GRID2: variants seen among roughly 807,000 people sequenced by gnomAD.
GRID2 encodes glutamate ionotropic receptor delta type subunit 2.
In GRID2, 33 loss-of-function variants were observed where a neutral mutation model predicts 114.8. The ratio of observed to expected loss-of-function variants is 0.29; its 90% CI spans 0.22 to 0.38. The LOEUF (loss-of-function observed/expected upper bound fraction) is 0.38, where lower values mean the gene tolerates loss of function less well. Among genes scored for constraint, GRID2 ranks in the 10% least tolerant of loss-of-function variants. The pLI, the probability that GRID2 is intolerant of heterozygous loss-of-function variation, is 1.00. For synonymous variants in GRID2, 505 were observed against 449.9 expected (o/e 1.12, Z -1.55); for missense variants, 1,184 against 1,257.7 (o/e 0.94, Z 0.89).
rs559432797 is a variant in GRID2, at chr4:93,664,821, T to C, written c.2360+38386T>C. ...TTTCTTATCTGTATTATGAGGATGATAGAACCTAATGTGTAAGTTAGAGTT... is the reference window on the plus strand; with the variant it reads ...TTTCTTATCTGTATTATGAGGATGACAGAACCTAATGTGTAAGTTAGAGTT... On this transcript the variant is annotated intron_variant, in intron 14 of 15. Transcript: ENST00000282020. Among the ~76,000 whole-genome samples, 4 of 152,276 alleles carry C rather than the reference T, an allele frequency of 2.6e-5. No homozygotes were observed. In the South Asian group the frequency reaches 8.3e-4, roughly 32 times the overall value.
At chr4:93,373,950 CA>C (rs1763155104) in intron 8 of GRID2, among the ~76,000 whole-genome samples, 1 of 152,190 alleles carries the variant, frequency 6.6e-6, no homozygotes, top group African/African-American at 2.4e-5. Flanking sequence ...ATCTACACTA[CA>C]GAAGGCTTAT....
intron 2 of GRID2, among the ~76,000 whole-genome samples, chr4:92,607,611 C>G (rs1481613784): frequency 6.6e-6 from 1 of 151,836 alleles, no homozygotes; most frequent in Non-Finnish European, 1.5e-5. Context: ...CATCTCATAT[C>G]TTTTTGTTTC....
At chr4:93,410,805 A>C (rs1348336986) in intron 9 of GRID2, among the ~76,000 whole-genome samples, 1 of 151,906 alleles carries the variant, frequency 6.6e-6, no homozygotes, top group Non-Finnish European at 1.5e-5. Context: ...CTGATCTCGA[A>C]CTCCTGACCT....
chr4:92,784,194 T>A (rs2149360312), intron 2 of GRID2, among the ~76,000 whole-genome samples: 1 of 152,170 alleles, frequency 6.6e-6, no homozygotes, highest in East Asian at 1.9e-4. Flanking sequence ...TTATCATCTT[T>A]ACTTCTATAT....
rs553418191 is a variant in GRID2 at position 93,747,626 on chromosome 4, A to G, written c.2361-21584A>G. 3.9e-5 allele frequency among the ~76,000 whole-genome samples: 6 copies of G among 152,278 alleles called. No individual in the cohort carries two copies. The South Asian group carries it at 1.2e-3, about 32-fold the overall frequency. On this transcript the variant is annotated intron_variant, in intron 14 of 15. Coordinates refer to ENST00000282020, the MANE Select transcript of GRID2 (RefSeq NM_001510.4). Reference sequence around the variant, plus strand: ...AGTTTCACTCTTTTCATAAAGTCTAATCATATATACACAAAAACTGTTGTA... The same window carrying G: ...AGTTTCACTCTTTTCATAAAGTCTAGTCATATATACACAAAAACTGTTGTA...
chr4:93,295,591 C>T (rs926110058), intron 8 of GRID2, among the ~76,000 whole-genome samples: 1 of 151,798 alleles, frequency 6.6e-6, no homozygotes, highest in Admixed American at 6.6e-5. Flanking sequence ...CCTCTTCCTC[C>T]TCCTCCTCCT....
intron 1 of GRID2, among the ~76,000 whole-genome samples, chr4:92,423,927 AAG>A (rs1184259396): frequency 3.3e-5 from 5 of 152,142 alleles, no homozygotes; most frequent in African/African-American, 7.2e-5. Context: ...AAAAATAAAA[AAG>A]AGAAATGGAA....
chr4:92,902,104 C>A (rs1747623890), intron 2 of GRID2, among the ~76,000 whole-genome samples: 1 of 152,072 alleles, frequency 6.6e-6, no homozygotes, highest in Non-Finnish European at 1.5e-5. Flanking sequence ...ACAGCAGAAA[C>A]CACAATTACA....
chr4:93,357,043 A>T (rs2149269034), intron 8 of GRID2, among the ~76,000 whole-genome samples: 1 of 151,524 alleles, frequency 6.6e-6, no homozygotes, highest in South Asian at 2.1e-4. Context: ...CCTGTTTTCA[A>T]TTTTTTTTAT....
At chr4:92,935,723 A>G (rs1480393526) in intron 2 of GRID2, among the ~76,000 whole-genome samples, 1 of 146,902 alleles carries the variant, frequency 6.8e-6, no homozygotes, top group African/African-American at 2.4e-5. Flanking sequence ...TGATGAGTTC[A>G]TGTCCTTTGT....
intron 1 of GRID2, among the ~76,000 whole-genome samples, chr4:92,452,658 A>C (rs1720986356): frequency 6.6e-6 from 1 of 151,816 alleles, no homozygotes; most frequent in Non-Finnish European, 1.5e-5. Flanking sequence ...TTTTTTATGA[A>C]GTTTTCTGTG....
intron 13 of GRID2, among the ~76,000 whole-genome samples, chr4:93,518,037 A>G (rs1311097708): frequency 9.1e-6 from 1 of 110,122 alleles, no homozygotes; most frequent in Admixed American, 9.4e-5. Context: ...ATGTATGTAT[A>G]TATACGCATA....
intron 4 of GRID2, among the ~76,000 whole-genome samples, chr4:93,196,163 G>C (rs959890558): frequency 2.0e-5 from 3 of 152,090 alleles, no homozygotes; most frequent in African/African-American, 7.2e-5. Context: ...ATGCTATCAA[G>C]CCCAACACCA....
intron 4 of GRID2, among the ~76,000 whole-genome samples, chr4:93,153,265 A>G (rs1454008032): frequency 6.6e-6 from 1 of 152,114 alleles, no homozygotes; most frequent in East Asian, 1.9e-4. Flanking sequence ...TTTTGAAACT[A>G]TCTTCAGAAA....
chr4:92,449,711 A>ATATATATATATATATG (rs1466326075), intron 1 of GRID2, among the ~76,000 whole-genome samples: 1 of 130,134 alleles, frequency 7.7e-6, no homozygotes, highest in Non-Finnish European at 1.6e-5. Flanking sequence ...ATATATATAT[A>ATATATATATATATATG]ACACTTAAGC....
At chr4:92,623,796 C>T (rs187351921) in intron 2 of GRID2, among the ~76,000 whole-genome samples, 35 of 151,834 alleles carry the variant, frequency 2.3e-4, no homozygotes, top group Admixed American at 3.9e-4. Flanking sequence ...CAAGTTTTTA[C>T]TTGAATGTAT....
chr4:93,464,630 T>C (rs1724096260), intron 11 of GRID2, among the ~76,000 whole-genome samples: 1 of 152,190 alleles, frequency 6.6e-6, no homozygotes, highest in Admixed American at 6.5e-5. Flanking sequence ...AAATACACAT[T>C]ATGTATCTCA....
intron 14 of GRID2, among the ~76,000 whole-genome samples, chr4:93,738,733 G>A (rs1264288043): frequency 2.0e-5 from 3 of 152,108 alleles, no homozygotes; most frequent in Admixed American, 6.6e-5. Flanking sequence ...AGATCCCACT[G>A]AGCAGGTGAT....
At chr4:92,305,360 T>C (rs1020357036) in intron 1 of GRID2, among the ~76,000 whole-genome samples, 42 of 152,234 alleles carry the variant, frequency 2.8e-4, no homozygotes, top group African/African-American at 9.6e-4. Context: ...CAGGAGGGGC[T>C]GGCGGCAGTG....
Sources: gnomAD v4.1 joint callset for allele counts (sites outside exome capture counted in the v4.1 genomes callset) on GRCh38, gnomAD v4.1.1 for gene constraint, MANE v1.5 for transcripts, NCBI Gene and HGNC (gene_info 2026-07-23, HGNC 2026-07-21) for gene names.